Variants in FAM193A observed in about 807,000 individuals in gnomAD.
The protein encoded by FAM193A is family with sequence similarity 193 member A, also known as protein FAM193A.
In FAM193A, 22 loss-of-function variants were observed where a neutral mutation model predicts 126.5. The ratio of observed to expected loss-of-function variants is 0.17; its 90% CI spans 0.12 to 0.25. The LOEUF (loss-of-function observed/expected upper bound fraction) is 0.25, where lower values mean the gene tolerates loss of function less well. FAM193A is among the 10% of genes least tolerant of loss of function. The pLI is 1.00. For synonymous variants in FAM193A, 761 were observed against 646.8 expected, an observed-to-expected ratio of 1.18 and a Z score of -2.68; for missense variants, 1,675 against 1,672.8, an observed-to-expected ratio of 1.00 and a Z score of -0.02.
intron 20 of FAM193A, among the ~76,000 whole-genome samples, chr4:2,723,992 A>G (rs2109411240): frequency 6.6e-6 from 1 of 151,470 alleles, no homozygotes; most frequent in East Asian, 1.9e-4. Flanking sequence ...CAACAGTCAG[A>G]AGACATAATG....
Position 2,715,584 on chromosome 4 carries a change from C to T in FAM193A, c.4373-439C>T, listed in dbSNP as rs183626823. On this transcript the variant is annotated intron_variant, in intron 19 of 20. Coordinates refer to ENST00000637812, the MANE Select transcript of FAM193A (RefSeq NM_001366318.2). ...GGGCACATTCGAGGGACAGCCCTTT[C>T]CTTAACATGGGCCTGTCCCCTGGGC... 1,041 of 896,264 alleles carry T rather than the reference C, an allele frequency of 1.2e-3. 1 individual carries two copies. Among genetic ancestry groups the T allele is most frequent in the Non-Finnish European group, 1.3e-3 (976 of 739,870 alleles). 55.5% of individuals were successfully genotyped at this position (896,264 alleles called of 1,614,324 possible).
At chr4:2,731,712 C>G in intron 20 of FAM193A, 63 bp from the exon 21 acceptor site, 1 of 1,323,596 alleles carries the variant, frequency 7.6e-7, no homozygotes, top group Non-Finnish European at 1.1e-6. Context: ...ATGGGCTTTG[C>G]CAAGCACCAG....
In FAM193A at chr4:2,693,536, G is replaced by A. The variant is rs372292939; in HGVS notation, c.2804-50G>A. 2.6e-6 allele frequency: 4 copies of A among 1,556,402 alleles called. No homozygotes were observed. The African/African-American group carries it at 4.1e-5, about 16-fold the overall frequency. Reference sequence around the variant, plus strand: ...GTTCTTTCAGATTTTCTACAGGTTTGAACATTTTTGAAACAAACTTGGCAG... The same window carrying A: ...GTTCTTTCAGATTTTCTACAGGTTTAAACATTTTTGAAACAAACTTGGCAG... On this transcript the variant is annotated intron_variant, in intron 15 of 20. Coordinates refer to ENST00000637812, the MANE Select transcript of FAM193A (RefSeq NM_001366318.2).
At chr4:2,660,769 G>C (rs1240092620) in intron 10 of FAM193A, among the ~76,000 whole-genome samples, 1 of 152,208 alleles carries the variant, frequency 6.6e-6, no homozygotes, top group Non-Finnish European at 1.5e-5. Flanking sequence ...ACTGACTTGT[G>C]TTCATTCCTT....
At chr4:2,662,725 CTT>C (rs1712608448) in intron 10 of FAM193A, 111 bp from the exon 11 acceptor site, 2 of 734,136 alleles carry the variant, frequency 2.7e-6, no homozygotes, top group Non-Finnish European at 4.5e-6. Context: ...AACTAATACT[CTT>C]TGTAAATGAA....
At chr4:2,681,317 A>C (rs1016627199) in intron 13 of FAM193A, among the ~76,000 whole-genome samples, 7 of 138,872 alleles carry the variant, frequency 5.0e-5, no homozygotes, top group African/African-American at 1.9e-4. Flanking sequence ...TTTTTCCCCT[A>C]TTGTTTTTCT....
chr4:2,631,503 G>C (rs913367830), intron 5 of FAM193A, among the ~76,000 whole-genome samples: 2 of 152,216 alleles, frequency 1.3e-5, no homozygotes, highest in African/African-American at 4.8e-5. Flanking sequence ...GAAATCTCCG[G>C]TGTCTTACTT....
At chr4:2,542,618 G>C (rs1174104083) in intron 1 of FAM193A, among the ~76,000 whole-genome samples, 7 of 152,192 alleles carry the variant, frequency 4.6e-5, no homozygotes, top group Non-Finnish European at 1.0e-4. Context: ...CAGATGGTGA[G>C]CTTTTTGGAG....
At chr4:2,604,149 A>G (rs1460298523) in intron 2 of FAM193A, among the ~76,000 whole-genome samples, 2 of 152,130 alleles carry the variant, frequency 1.3e-5, no homozygotes, top group African/African-American at 2.4e-5. Flanking sequence ...AGCCACTTGA[A>G]TTACTTTTAA....
intron 1 of FAM193A, among the ~76,000 whole-genome samples, chr4:2,565,147 C>G (rs1398060626): frequency 6.6e-6 from 1 of 151,018 alleles, no homozygotes; most frequent in Admixed American, 6.6e-5. Flanking sequence ...TTGATAGATT[C>G]CAGTTGAGTA....
intron 1 of FAM193A, among the ~76,000 whole-genome samples, chr4:2,568,264 A>ATTAG (rs1312775442): frequency 6.6e-6 from 1 of 152,170 alleles, no homozygotes; most frequent in East Asian, 1.9e-4. Flanking sequence ...ATGCAGAACA[A>ATTAG]TTTTAAGGCC....
At chr4:2,721,073 G>A (rs1720086383) in intron 20 of FAM193A, among the ~76,000 whole-genome samples, 1 of 152,028 alleles carries the variant, frequency 6.6e-6, no homozygotes, top group Non-Finnish European at 1.5e-5. Context: ...CAGCACTTTG[G>A]GAGGCCGAGG....
chr4:2,625,146 T>C (rs1742828524), intron 2 of FAM193A, 116 bp from the exon 3 acceptor site: 1 of 586,964 alleles, frequency 1.7e-6, no homozygotes, highest in South Asian at 2.1e-5. Flanking sequence ...ATAGTTTCTT[T>C]TCAATGTTTA....
At chr4:2,596,355 G>T (rs1022200845) in intron 2 of FAM193A, 26 bp downstream of exon 2, 1 of 695,556 alleles carries the variant, frequency 1.4e-6, no homozygotes, top group African/African-American at 1.8e-5. Flanking sequence ...CACAGGCAGC[G>T]CAGGGCGTTG....
chr4:2,685,114 T>C (rs1019551479), intron 13 of FAM193A, among the ~76,000 whole-genome samples: 3 of 152,166 alleles, frequency 2.0e-5, no homozygotes, highest in Non-Finnish European at 4.4e-5. Context: ...AAGACAGGGA[T>C]GTCTCTAAGT....
chr4:2,693,943 C>G, intron 16 of FAM193A, 69 bp downstream of exon 16: 2 of 1,460,406 alleles, frequency 1.4e-6, no homozygotes, highest in South Asian at 2.5e-5. Context: ...ACTAACACAG[C>G]TACAGAAACT....
intron 1 of FAM193A, among the ~76,000 whole-genome samples, chr4:2,549,027 C>T (rs1456565694): frequency 1.3e-5 from 2 of 151,042 alleles, no homozygotes; most frequent in African/African-American, 4.9e-5. Flanking sequence ...CAACCTCCGC[C>T]TCCCGGTTTA....
chr4:2,642,260 G>T (rs113260920), intron 6 of FAM193A, among the ~76,000 whole-genome samples: 32 of 152,052 alleles, frequency 2.1e-4, no homozygotes, highest in African/African-American at 7.5e-4. Context: ...CCGAGATCAC[G>T]CCACTACACT....
chr4:2,541,199 G>C lies in FAM193A; in HGVS notation c.255+4029G>C, dbSNP rs557280056. ...GCAGGAGAATCGCTTGAACCTGGGA[G>C]GTGGAGATTGTCATGCCAGCTACTC... On this transcript the variant is annotated intron_variant, in intron 1 of 20. Coordinates refer to ENST00000637812, the MANE Select transcript of FAM193A (RefSeq NM_001366318.2). 2.0e-5 allele frequency among the ~76,000 whole-genome samples: 3 copies of C among 151,912 alleles called. No homozygotes were observed. In the South Asian group the frequency reaches 6.2e-4, roughly 32 times the overall value.
Sources: allele counts gnomAD v4.1 joint callset (sites outside exome capture counted in the v4.1 genomes callset), GRCh38; gene constraint gnomAD v4.1.1; transcripts MANE v1.5; gene names NCBI Gene and HGNC (gene_info 2026-07-23, HGNC 2026-07-21).